The following ADCYAP1R1 variants were observed in gnomAD, a reference collection of about 807,000 sequenced individuals.
ADCYAP1R1 encodes ADCYAP receptor type I, also known as pituitary adenylate cyclase-activating polypeptide type I receptor.
ADCYAP1R1 carries 44 observed loss-of-function variants against 67.6 expected under a neutral mutation model. That is an observed-to-expected ratio of 0.65 (90% CI 0.51 to 0.84). The LOEUF (loss-of-function observed/expected upper bound fraction) is 0.84. ADCYAP1R1 is among the 40% of genes least tolerant of loss of function. ADCYAP1R1 has a pLI of 0.00. For missense variants in ADCYAP1R1, 477 were observed against 587.9 expected (o/e 0.81, Z 1.95); for synonymous variants, 222 against 219.6 (o/e 1.01, Z -0.10).
At chr7:31,096,787 A>G (rs1404866102) in intron 13 of ADCYAP1R1, among the ~76,000 whole-genome samples, 1 of 152,116 alleles carries the variant, frequency 6.6e-6, no homozygotes, top group Non-Finnish European at 1.5e-5. Context: ...GGTGCACAGC[A>G]TCTTAGCATC....
chr7:31,063,426 T>A, intron 2 of ADCYAP1R1, 111 bp downstream of exon 2: 1 of 1,242,646 alleles, frequency 8.0e-7, no homozygotes, highest in Non-Finnish European at 1.2e-6. Context: ...TGGCTGGTAT[T>A]TCTGCCAACA....
chr7:31,083,950 T>C (rs1405072869), intron 6 of ADCYAP1R1, among the ~76,000 whole-genome samples, 191 bp from the exon 7 acceptor site: 2 of 152,156 alleles, frequency 1.3e-5, no homozygotes, highest in Non-Finnish European at 1.5e-5. Context: ...CCATCTTTGG[T>C]TGAGATGAGC....
Position 31,092,370 on chromosome 7 carries a change from C to G in ADCYAP1R1, c.955-274C>G, listed in dbSNP as rs1795994240. ...TTTCCCATCACCCTGATCCTGTTTT[C>G]TCTTTCTCTTTTAGAAATGGCTTAC... On this transcript the variant is annotated intron_variant, in intron 12 of 15. Coordinates refer to ENST00000304166, the MANE Select transcript of ADCYAP1R1 (RefSeq NM_001118.5). 3.3e-5 allele frequency among the ~76,000 whole-genome samples: 5 copies of G among 152,116 alleles called. No homozygotes were observed. In the South Asian group the frequency reaches 1.0e-3, roughly 32 times the overall value.
intron 1 of ADCYAP1R1, among the ~76,000 whole-genome samples, chr7:31,056,390 C>CAT (rs1209517836): frequency 2.0e-5 from 3 of 152,082 alleles, no homozygotes; most frequent in Non-Finnish European, 2.9e-5. Flanking sequence ...CTGAGACAAA[C>CAT]ATATATATAT....
chr7:31,074,191 C>T (rs549714680), intron 3 of ADCYAP1R1, among the ~76,000 whole-genome samples: 3 of 152,230 alleles, frequency 2.0e-5, no homozygotes, highest in Admixed American at 6.5e-5. Flanking sequence ...GTGGAGGGGG[C>T]GGTGACTGTC....
chr7:31,093,556 G>A (rs1175576851), intron 13 of ADCYAP1R1, among the ~76,000 whole-genome samples: 1 of 152,132 alleles, frequency 6.6e-6, no homozygotes, highest in Non-Finnish European at 1.5e-5. Flanking sequence ...TGGGGTATGA[G>A]GACATTTCTG....
At chr7:31,103,667 C>T (rs906994398) in intron 14 of ADCYAP1R1, among the ~76,000 whole-genome samples, 2 of 152,320 alleles carry the variant, frequency 1.3e-5, no homozygotes, top group South Asian at 2.1e-4. Flanking sequence ...CTCAAGAGCC[C>T]AGTGTGTCCA....
At chr7:31,065,729 G>C (rs1383205049) in intron 3 of ADCYAP1R1, among the ~76,000 whole-genome samples, 1 of 152,168 alleles carries the variant, frequency 6.6e-6, no homozygotes, top group Non-Finnish European at 1.5e-5. Context: ...TTAGGGGAGG[G>C]GGCATCACAG....
chr7:31,058,243 G>A (rs1280017996), intron 1 of ADCYAP1R1, among the ~76,000 whole-genome samples: 2 of 152,198 alleles, frequency 1.3e-5, no homozygotes, highest in Non-Finnish European at 2.9e-5. Context: ...TGGCTGGAGG[G>A]TCTCTGAGTC....
intron 1 of ADCYAP1R1, among the ~76,000 whole-genome samples, chr7:31,059,935 G>T (rs1196009744): frequency 1.3e-5 from 2 of 151,678 alleles, no homozygotes; most frequent in Non-Finnish European, 2.9e-5. Flanking sequence ...TGGGCAGGGG[G>T]TGGACTGTAA....
At chr7:31,072,836 G>C (rs1025372432) in intron 3 of ADCYAP1R1, among the ~76,000 whole-genome samples, 3 of 152,216 alleles carry the variant, frequency 2.0e-5, no homozygotes, top group African/African-American at 7.2e-5. Context: ...TATTTGGGTG[G>C]ACACAGAATA....
intron 15 of ADCYAP1R1, among the ~76,000 whole-genome samples, chr7:31,105,920 G>A (rs1796623193): frequency 6.6e-6 from 1 of 152,190 alleles, no homozygotes; most frequent in South Asian, 2.1e-4. Context: ...ACTCAGCATG[G>A]CCCCCACTCA....
intron 13 of ADCYAP1R1, chr7:31,100,015 C>A: frequency 9.7e-7 from 1 of 1,032,806 alleles, no homozygotes; most frequent in Non-Finnish European, 1.4e-6. Context: ...CTCCACATGA[C>A]TGCCCTGGCC....
At chr7:31,077,527 CTGTT>C (rs569405557) in intron 3 of ADCYAP1R1, among the ~76,000 whole-genome samples, 42 of 110,758 alleles carry the variant, frequency 3.8e-4, no homozygotes, top group Admixed American at 2.2e-3. Flanking sequence ...TGTGTGTGAT[CTGTT>C]TGTGGTGTGT....
rs749688941 is a variant in ADCYAP1R1 at position 31,086,573 on chromosome 7, C to G, written c.823+36C>G. 4 of 1,612,608 alleles carry G rather than the reference C, an allele frequency of 2.5e-6. No homozygotes were observed. In the South Asian group the frequency reaches 4.4e-5, roughly 18 times the overall value. ...GGCTGTGGCTTGGACAGGTTCAGGT[C>G]CCGTGGTCAGGTGTGTCCAGGTGTG... is the stretch of plus-strand genomic sequence containing the variant. On this transcript the variant is annotated intron_variant, in intron 10 of 15. Transcript: ENST00000304166. The surrounding 1 kb of genome is among the most constrained non-coding windows in gnomAD (Gnocchi z 5.0).
At position 31,077,972 on chromosome 7, in the gene ADCYAP1R1, A is replaced by G. The variant is rs767607808; in HGVS notation, c.158-19A>G. 14 of 1,584,662 alleles carry G rather than the reference A, an allele frequency of 8.8e-6. No individual in the cohort carries two copies. In the African/African-American group the frequency reaches 1.1e-4, roughly 12 times the overall value. The stretch of plus-strand genomic sequence containing the variant: ...GTGTGTGTGGCTGGCCCCTCTCACC[A>G]TGGCTGTCTTACCCACAGGCTGTCC... On this transcript the variant is annotated intron_variant, in intron 3 of 15. Transcript: ENST00000304166.
rs4503014 is a variant in ADCYAP1R1 at position 31,109,526 on chromosome 7, A to G, written c.*2842A>G. The G allele has an allele frequency of 0.27, 40,978 of 152,052 alleles. 6,400 individuals are homozygous for G. Among genetic ancestry groups the G allele is most frequent in the East Asian group, 0.69 (3,572 of 5,154 alleles). The allele number at this position is 152,052 out of a possible 1,614,324, so 9.4% of individuals were successfully genotyped here. A position where few individuals can be genotyped will look rare whatever the true frequency, so the allele number is the denominator to read the frequency against. On this transcript the variant is annotated 3_prime_UTR_variant, in exon 16 of 16. Coordinates refer to ENST00000304166, the MANE Select transcript of ADCYAP1R1 (RefSeq NM_001118.5). ...GTGAAGACAGCTTGAGAGGCTTGAG[A>G]AAAGTGGGGCTGGGGAGAAGCAGGC...
intron 12 of ADCYAP1R1, among the ~76,000 whole-genome samples, chr7:31,092,034 G>A (rs1167286892): frequency 6.7e-6 from 1 of 149,508 alleles, no homozygotes; most frequent in Non-Finnish European, 1.5e-5. Context: ...GGCTGCTTTG[G>A]CTATGCCTGA....
intron 6 of ADCYAP1R1, 28 bp downstream of exon 6, chr7:31,081,782 G>A (rs763852312): frequency 1.3e-6 from 2 of 1,579,074 alleles, no homozygotes; most frequent in South Asian, 2.4e-5. Flanking sequence ...GGTTGACCAT[G>A]GACTGGCTGG....
Sources: gnomAD v4.1 joint callset for allele counts (sites outside exome capture counted in the v4.1 genomes callset) on GRCh38, gnomAD v4.1.1 for gene constraint, Gnocchi (gnomAD v3.1) non-coding constraint, MANE v1.5 for transcripts, NCBI Gene and HGNC (gene_info 2026-07-23, HGNC 2026-07-21) for gene names.